The following SRPK2 variants were observed in gnomAD, a reference collection of about 807,000 sequenced individuals.
The protein encoded by SRPK2 is SRSF protein kinase 2.
SRPK2 carries 21 observed loss-of-function variants against 90.8 expected under a neutral mutation model. That is an observed-to-expected ratio of 0.23 (90% CI 0.16 to 0.33). The LOEUF (loss-of-function observed/expected upper bound fraction) is 0.33, where lower values mean the gene tolerates loss of function less well. Among genes scored for constraint, SRPK2 ranks in the 10% least tolerant of loss-of-function variants. SRPK2 has a pLI of 1.00. For synonymous variants in SRPK2, 288 were observed against 311.1 expected (o/e 0.93, Z 0.78); for missense variants, 620 against 869.0 (o/e 0.71, Z 3.60).
intron 2 of SRPK2, among the ~76,000 whole-genome samples, chr7:105,223,531 C>A (rs554842554): frequency 8.5e-5 from 13 of 152,192 alleles, no homozygotes; most frequent in Non-Finnish European, 1.5e-4. Context: ...TTTCTTTCAA[C>A]AATCATCTCA....
chr7:105,208,168 A>T (rs1796432558), intron 2 of SRPK2, among the ~76,000 whole-genome samples: 1 of 152,210 alleles, frequency 6.6e-6, no homozygotes. Context: ...ATGAAGAAAT[A>T]AGGATCTTCA....
chr7:105,264,472 A>ATAGG (rs1458989388), intron 2 of SRPK2, among the ~76,000 whole-genome samples: 1 of 152,242 alleles, frequency 6.6e-6, no homozygotes, highest in Non-Finnish European at 1.5e-5. Context: ...TTGGTAGAAT[A>ATAGG]TAGGCCACAG....
chr7:105,357,834 G>A (rs1382080214), intron 2 of SRPK2, among the ~76,000 whole-genome samples: 1 of 152,066 alleles, frequency 6.6e-6, no homozygotes, highest in East Asian at 1.9e-4. Context: ...TCAAATCTCT[G>A]GTAAATAAGA....
chr7:105,301,266 C>A (rs1352934663), intron 2 of SRPK2, among the ~76,000 whole-genome samples: 7 of 146,742 alleles, frequency 4.8e-5, no homozygotes, highest in Admixed American at 2.8e-4. Flanking sequence ...ACACGTGAAA[C>A]CCCGTCTCTA....
At chr7:105,257,881 G>A (rs1203429895) in intron 2 of SRPK2, among the ~76,000 whole-genome samples, 48 of 152,160 alleles carry the variant, frequency 3.2e-4, no homozygotes, top group Admixed American at 3.1e-3. Flanking sequence ...GGAGTCCGAG[G>A]CAGGCAGAGC....
chr7:105,307,761 T>A (rs1254646273), intron 2 of SRPK2, among the ~76,000 whole-genome samples: 1 of 152,220 alleles, frequency 6.6e-6, no homozygotes, highest in Non-Finnish European at 1.5e-5. Flanking sequence ...TTCCTAAGTT[T>A]AACTTTAAGT....
intron 2 of SRPK2, among the ~76,000 whole-genome samples, chr7:105,321,711 A>G (rs1812960695): frequency 6.6e-6 from 1 of 152,242 alleles, no homozygotes; most frequent in Non-Finnish European, 1.5e-5. Flanking sequence ...AACATCATTC[A>G]TAAGGAGAAT....
upstream of SRPK2, among the ~76,000 whole-genome samples, chr7:105,389,822 A>C (rs1197904376): frequency 6.6e-6 from 1 of 152,224 alleles, no homozygotes; most frequent in Non-Finnish European, 1.5e-5. Flanking sequence ...AAATAATTAC[A>C]ATAGTTTTTG....
At chr7:105,388,547 G>C (rs1287083045) in intron 2 of SRPK2, 101 bp downstream of exon 2, 1 of 1,081,370 alleles carries the variant, frequency 9.2e-7, no homozygotes. Context: ...GGACCAGCCC[G>C]CCCGCCGGCC....
At chr7:105,305,310 G>A (rs1218413958) in intron 2 of SRPK2, among the ~76,000 whole-genome samples, 1 of 152,088 alleles carries the variant, frequency 6.6e-6, no homozygotes, top group Non-Finnish European at 1.5e-5. Context: ...ATTTTTACAG[G>A]TGGTGGGCAC....
chr7:105,121,275 G>A (rs1201365736), intron 15 of SRPK2, among the ~76,000 whole-genome samples: 1 of 151,726 alleles, frequency 6.6e-6, no homozygotes. Flanking sequence ...AACCCAGGAG[G>A]CAGAGGTTGC....
intron 2 of SRPK2, chr7:105,244,636 T>C (rs1018600393): frequency 3.4e-5 from 26 of 764,654 alleles, no homozygotes; most frequent in Non-Finnish European, 5.8e-5. Context: ...AGGGCCGCCT[T>C]TGGAGAGCAG....
At chr7:105,141,944 C>A in intron 11 of SRPK2, 64 bp downstream of exon 11, 2 of 1,532,384 alleles carry the variant, frequency 1.3e-6, no homozygotes. Flanking sequence ...TCCTTCACAG[C>A]ATTTGTTAAA....
At chr7:105,222,167 C>T (rs1182821517) in intron 2 of SRPK2, among the ~76,000 whole-genome samples, 1 of 152,152 alleles carries the variant, frequency 6.6e-6, no homozygotes. Context: ...GGCACAGTAC[C>T]AGAAGTAAAA....
upstream of SRPK2, among the ~76,000 whole-genome samples, chr7:105,392,014 T>G (rs1300372974): frequency 6.6e-6 from 1 of 152,222 alleles, no homozygotes; most frequent in Admixed American, 6.6e-5. Context: ...GGAATATTTT[T>G]TTGGCCATAA....
At chr7:105,259,313 A>C (rs1241623094) in intron 2 of SRPK2, among the ~76,000 whole-genome samples, 2 of 152,238 alleles carry the variant, frequency 1.3e-5, no homozygotes, top group Non-Finnish European at 2.9e-5. Flanking sequence ...ATACCTAGGA[A>C]TCCAACTTAC....
At chr7:105,254,096 C>A (rs1802879569) in intron 2 of SRPK2, among the ~76,000 whole-genome samples, 1 of 152,172 alleles carries the variant, frequency 6.6e-6, no homozygotes, top group African/African-American at 2.4e-5. Context: ...TTAGCTGTTT[C>A]GTAAATGCTT....
intron 2 of SRPK2, among the ~76,000 whole-genome samples, chr7:105,387,884 G>C (rs1563322444): frequency 1.3e-5 from 2 of 152,210 alleles, no homozygotes; most frequent in African/African-American, 4.8e-5. Flanking sequence ...CCCCTGCTCG[G>C]GTGAGCGGCC....
chr7:105,242,456 G>A (rs1800942760), intron 2 of SRPK2, among the ~76,000 whole-genome samples: 1 of 152,092 alleles, frequency 6.6e-6, no homozygotes, highest in Non-Finnish European at 1.5e-5. Context: ...AGGTTGCAGT[G>A]AGCCAAGATC....
Sources: allele counts gnomAD v4.1 joint callset (sites outside exome capture counted in the v4.1 genomes callset), GRCh38; gene constraint gnomAD v4.1.1; transcripts MANE v1.5; gene names NCBI Gene and HGNC (gene_info 2026-07-23, HGNC 2026-07-21).